The following STARD13 variants were observed in gnomAD, a reference collection of about 807,000 sequenced individuals.
STARD13 encodes StAR related lipid transfer domain containing 13, also known as stAR-related lipid transfer protein 13.
A neutral mutation model predicts 106.4 loss-of-function variants in STARD13; 62 were observed. The ratio of observed to expected loss-of-function variants is 0.58; its 90% CI spans 0.48 to 0.72. The LOEUF is 0.72. Among genes scored for constraint, STARD13 ranks in the 30% least tolerant of loss-of-function variants. STARD13 has a pLI of 0.00. For synonymous variants in STARD13, 565 were observed against 553.0 expected, an observed-to-expected ratio of 1.02 and a Z score of -0.31; for missense variants, 1,387 against 1,424.0, an observed-to-expected ratio of 0.97 and a Z score of 0.42.
chr13:33,590,168 A>G, the STARD13 span, among the ~76,000 whole-genome samples: 1 of 152,228 alleles, frequency 6.6e-6, no homozygotes, highest in Non-Finnish European at 1.5e-5. Context: ...CACACCAGTT[A>G]GAATGGCGAT....
the STARD13 span, among the ~76,000 whole-genome samples, chr13:33,560,535 C>A: frequency 6.6e-6 from 1 of 151,218 alleles, no homozygotes; most frequent in Non-Finnish European, 1.5e-5. Flanking sequence ...AGTCTTACAT[C>A]CCGTGGGTCA....
At chr13:33,354,527 A>G (rs184367528), upstream of STARD13, among the ~76,000 whole-genome samples, 5 of 152,328 alleles carry the variant, frequency 3.3e-5, no homozygotes, top group East Asian at 7.7e-4. Flanking sequence ...TGCAGTCCTG[A>G]GTTCCTCCAG....
At chr13:33,275,395 C>G (rs755251824) in intron 1 of STARD13, among the ~76,000 whole-genome samples, 1 of 152,178 alleles carries the variant, frequency 6.6e-6, no homozygotes, top group Non-Finnish European at 1.5e-5. Flanking sequence ...TTAAATTGAG[C>G]ACTTAGTATG....
chr13:33,187,535 A>T (rs1177389854), intron 1 of STARD13, among the ~76,000 whole-genome samples: 8 of 152,072 alleles, frequency 5.3e-5, no homozygotes, highest in Admixed American at 5.2e-4. Flanking sequence ...TTTTACTGAG[A>T]CTTCTATCTT....
At chr13:33,407,724 C>G in the STARD13 span, among the ~76,000 whole-genome samples, 1 of 152,196 alleles carries the variant, frequency 6.6e-6, no homozygotes, top group South Asian at 2.1e-4. Context: ...CAGCCAGGAG[C>G]TGCTTAGAAA....
chr13:33,182,032 G>A (rs898504119), intron 1 of STARD13, among the ~76,000 whole-genome samples: 1 of 152,128 alleles, frequency 6.6e-6, no homozygotes, highest in Non-Finnish European at 1.5e-5. Flanking sequence ...AATATCCCAG[G>A]ACTTTCAAAT....
At chr13:33,667,483 TGCACATGTAG>T in the STARD13 span, among the ~76,000 whole-genome samples, 3 of 152,258 alleles carry the variant, frequency 2.0e-5, no homozygotes, top group East Asian at 5.8e-4. Context: ...TTCATATAGA[TGCACATGTAG>T]GCAATTAAGC....
the STARD13 span, among the ~76,000 whole-genome samples, chr13:33,573,907 A>G: frequency 5.3e-5 from 8 of 152,166 alleles, no homozygotes; most frequent in Non-Finnish European, 1.5e-5. Context: ...ACATGAACAA[A>G]AGTTTTACAG....
At chr13:33,318,956 TA>T (rs1485928900) in intron 1 of STARD13, among the ~76,000 whole-genome samples, 1 of 152,184 alleles carries the variant, frequency 6.6e-6, no homozygotes, top group African/African-American at 2.4e-5. Flanking sequence ...GGCAGGAATG[TA>T]AAATGGTGCA....
At chr13:33,349,536 T>C (rs998600345) in intron 1 of STARD13, among the ~76,000 whole-genome samples, 18 of 152,146 alleles carry the variant, frequency 1.2e-4, no homozygotes, top group Non-Finnish European at 2.4e-4. Context: ...CAAGGGGCAG[T>C]GTGACACTGG....
the STARD13 span, among the ~76,000 whole-genome samples, chr13:33,405,267 C>T: frequency 6.6e-6 from 1 of 152,232 alleles, no homozygotes; most frequent in Non-Finnish European, 1.5e-5. Context: ...AGAACCACTG[C>T]TTTAGTGAGT....
At chr13:33,407,073 C>A in the STARD13 span, among the ~76,000 whole-genome samples, 1 of 152,172 alleles carries the variant, frequency 6.6e-6, no homozygotes, top group African/African-American at 2.4e-5. Context: ...GAGAGAGCAG[C>A]TCAGAATATG....
chr13:33,298,283 C>A (rs978930424), intron 1 of STARD13, among the ~76,000 whole-genome samples: 1 of 149,176 alleles, frequency 6.7e-6, no homozygotes, highest in African/African-American at 2.5e-5. Flanking sequence ...GCATATGCCA[C>A]CATGCTCAGC....
chr13:33,345,568 A>G (rs1221953816), downstream of STARD13, among the ~76,000 whole-genome samples: 1 of 152,168 alleles, frequency 6.6e-6, no homozygotes, highest in East Asian at 1.9e-4. Flanking sequence ...GACAGTGAGA[A>G]AAACTTGCTG....
the STARD13 span, among the ~76,000 whole-genome samples, chr13:33,534,096 C>A: frequency 1.3e-5 from 2 of 152,288 alleles, no homozygotes; most frequent in African/African-American, 4.8e-5. Flanking sequence ...TAGGAATGCT[C>A]TGGGGCAAGC....
chr13:33,454,856 G>A, the STARD13 span, among the ~76,000 whole-genome samples: 5 of 152,204 alleles, frequency 3.3e-5, no homozygotes, highest in East Asian at 1.9e-4. Flanking sequence ...GATGATGGCA[G>A]CATGTGTGAG....
the STARD13 span, among the ~76,000 whole-genome samples, chr13:33,366,684 TAAC>T: frequency 2.0e-5 from 3 of 152,334 alleles, no homozygotes; most frequent in Admixed American, 6.5e-5. The surrounding 1 kb of genome is among the most constrained non-coding windows in gnomAD (Gnocchi z 4.2). Context: ...TGCAGCTCAG[TAAC>T]AACGATAGTA....
chr13:33,120,434 C>CTCTG (rs1876104450), intron 7 of STARD13, among the ~76,000 whole-genome samples: 2 of 152,148 alleles, frequency 1.3e-5, no homozygotes, highest in South Asian at 4.1e-4. Context: ...CAGCTGTGGG[C>CTCTG]TCTGAGCTGC....
At chr13:33,629,650 A>T in the STARD13 span, among the ~76,000 whole-genome samples, 1 of 152,244 alleles carries the variant, frequency 6.6e-6, no homozygotes, top group African/African-American at 2.4e-5. Flanking sequence ...TATGTATGAG[A>T]CTATATGGCA....
Sources: gnomAD v4.1 joint callset for allele counts (sites outside exome capture counted in the v4.1 genomes callset) on GRCh38, gnomAD v4.1.1 for gene constraint, Gnocchi (gnomAD v3.1) non-coding constraint, MANE v1.5 for transcripts, NCBI Gene and HGNC (gene_info 2026-07-23, HGNC 2026-07-21) for gene names.